The following IL1RAPL1 variants were observed in gnomAD, a reference collection of about 807,000 sequenced individuals.
IL1RAPL1 encodes the protein interleukin 1 receptor accessory protein like 1.
IL1RAPL1 carries 3 observed loss-of-function variants against 48.4 expected under a neutral mutation model. The ratio of observed to expected loss-of-function variants is 0.06; its 90% CI spans 0.03 to 0.16. IL1RAPL1 has a LOEUF of 0.16. Ranked by LOEUF, IL1RAPL1 falls within the 10% of genes least tolerant of loss-of-function variation. IL1RAPL1 has a pLI of 1.00. For synonymous variants in IL1RAPL1, 185 were observed against 187.7 expected (o/e 0.99, Z 0.12); for missense variants, 349 against 530.6 (o/e 0.66, Z 3.36).
chrX:29,572,524 C>T (rs1341566580), intron 5 of IL1RAPL1, among the ~76,000 whole-genome samples: 1 of 112,330 alleles, frequency 8.9e-6, no homozygotes, highest in Non-Finnish European at 1.9e-5. Context: ...TATACATTTA[C>T]ATAATAAAAT....
chrX:28,713,976 A>G (rs1220894196), intron 1 of IL1RAPL1, among the ~76,000 whole-genome samples: 1 of 112,223 alleles, frequency 8.9e-6, no homozygotes, highest in Non-Finnish European at 1.9e-5. Context: ...TGTCTTGTAA[A>G]GGTGAATTTC....
In IL1RAPL1 at chrX:29,613,798, C is replaced by T. The variant is rs181249306; in HGVS notation, c.704-54632C>T. Among the ~76,000 whole-genome samples the T allele has an allele frequency of 3.4e-3, 298 of 88,801 alleles. 2 individuals carry two copies. The highest frequency in any genetic ancestry group is 0.012 in the African/African-American group (278 of 23,008). The allele number at this position is 88,801 out of a possible 115,157, so 77.1% of individuals were successfully genotyped here. On this transcript the variant is annotated intron_variant, in intron 5 of 10. Coordinates refer to ENST00000378993, the MANE Select transcript of IL1RAPL1 (RefSeq NM_014271.4). Reference sequence around the variant, plus strand: ...TTTTTTTTTGAGACAGAGTCTCGCTCTGTTGCCCAGGCTGGAGTGCAGTGG... The same window carrying T: ...TTTTTTTTTGAGACAGAGTCTCGCTTTGTTGCCCAGGCTGGAGTGCAGTGG...
At chrX:29,648,063 A>G (rs915430298) in intron 5 of IL1RAPL1, among the ~76,000 whole-genome samples, 5 of 112,188 alleles carry the variant, frequency 4.5e-5, no homozygotes, top group Non-Finnish European at 7.5e-5. Context: ...AAGTCATTAT[A>G]TAATGATAAA....
intron 6 of IL1RAPL1, among the ~76,000 whole-genome samples, chrX:29,863,625 G>A (rs1931635286): frequency 8.9e-6 from 1 of 112,047 alleles, no homozygotes; most frequent in African/African-American, 3.2e-5. Context: ...AAAAGTTTAT[G>A]TGGATAAATA....
intron 5 of IL1RAPL1, among the ~76,000 whole-genome samples, chrX:29,426,379 C>T (rs1776956732): frequency 9.0e-6 from 1 of 111,525 alleles, no homozygotes; most frequent in Non-Finnish European, 1.9e-5. Context: ...TACAAACGAA[C>T]CAATTACAGT....
At position 29,154,987 on chromosome X, in the gene IL1RAPL1, A is replaced by ATC. The variant is rs368830087; in HGVS notation, c.83-127949_83-127948dup. ...TTAGCTGGCTAGAGTCTAACATGGT[A>ATC]TCTTTTTCTTTCTTTCTGTCTTTTT... On this transcript the variant is annotated intron_variant, in intron 2 of 10. Coordinates refer to ENST00000378993, the MANE Select transcript of IL1RAPL1 (RefSeq NM_014271.4). Among the ~76,000 whole-genome samples the ATC allele has an allele frequency of 1.2e-3, 133 of 109,628 alleles. 1 individual carries two copies. Among genetic ancestry groups the ATC allele is most frequent in the African/African-American group, 4.2e-3 (128 of 30,281 alleles).
intron 5 of IL1RAPL1, among the ~76,000 whole-genome samples, chrX:29,640,941 G>A (rs1467568234): frequency 9.0e-6 from 1 of 111,519 alleles, no homozygotes; most frequent in Non-Finnish European, 1.9e-5. Flanking sequence ...AAGGCAGGAG[G>A]ATTGCTTGAG....
At chrX:29,429,894 G>GTGGT (rs34694649) in intron 5 of IL1RAPL1, among the ~76,000 whole-genome samples, 1 of 85,135 alleles carries the variant, frequency 1.2e-5, no homozygotes, top group Non-Finnish European at 2.2e-5. Context: ...GTGTGTGTGT[G>GTGGT]GTGTGTGTGT....
intron 3 of IL1RAPL1, among the ~76,000 whole-genome samples, chrX:29,349,708 A>G (rs1377833926): frequency 9.1e-6 from 1 of 110,299 alleles, no homozygotes; most frequent in Non-Finnish European, 1.9e-5. Flanking sequence ...TTGGGACCCT[A>G]CCCTAGAGCA....
At chrX:28,740,293 A>C (rs2146952338) in intron 1 of IL1RAPL1, among the ~76,000 whole-genome samples, 1 of 112,003 alleles carries the variant, frequency 8.9e-6, no homozygotes, top group East Asian at 2.8e-4. Flanking sequence ...CTTTAGACAA[A>C]GAAACTAATT....
intron 6 of IL1RAPL1, among the ~76,000 whole-genome samples, chrX:29,731,682 G>A (rs955532526): frequency 5.3e-5 from 6 of 112,410 alleles, no homozygotes; most frequent in African/African-American, 1.9e-4. Context: ...AGCTGGTCAC[G>A]TGCTCTGACA....
chrX:28,638,185 A>G (rs1029029434), intron 1 of IL1RAPL1, among the ~76,000 whole-genome samples: 3 of 111,798 alleles, frequency 2.7e-5, no homozygotes, highest in African/African-American at 9.7e-5. Context: ...ACATCCCTTT[A>G]TACTTCATTA....
intron 6 of IL1RAPL1, among the ~76,000 whole-genome samples, chrX:29,863,689 C>T (rs966428258): frequency 3.6e-5 from 4 of 112,132 alleles, no homozygotes; most frequent in African/African-American, 1.3e-4. Flanking sequence ...AAATTGTATT[C>T]AGGATGTTGG....
In IL1RAPL1 at chrX:29,405,198, T is replaced by C. The variant is rs193254760; in HGVS notation, c.703+5890T>C. ...AAGTGCTGGGATTACAGGCGTGAGC[T>C]ACCGCGCCCAGTCTGGATGTAGAAT... On this transcript the variant is annotated intron_variant, in intron 5 of 10. Transcript: ENST00000378993. Among the ~76,000 whole-genome samples, 325 of 106,462 alleles carry C rather than the reference T, an allele frequency of 3.1e-3. 2 individuals carry two copies. Among genetic ancestry groups the C allele is most frequent in the African/African-American group, 0.01 (295 of 28,735 alleles). 92.4% of individuals were successfully genotyped at this position (106,462 alleles called of 115,157 possible).
chrX:28,871,496 G>T (rs1190060658), intron 2 of IL1RAPL1, among the ~76,000 whole-genome samples: 1 of 111,888 alleles, frequency 8.9e-6, no homozygotes, highest in Non-Finnish European at 1.9e-5. Context: ...ATAAAACAGT[G>T]TGCTTCCAAA....
chrX:29,551,789 C>A (rs1690076573), intron 5 of IL1RAPL1, among the ~76,000 whole-genome samples: 1 of 106,619 alleles, frequency 9.4e-6, no homozygotes, highest in African/African-American at 3.4e-5. Context: ...CCCACCCCAC[C>A]CCTCCCAGCA....
intron 5 of IL1RAPL1, among the ~76,000 whole-genome samples, chrX:29,602,757 T>C (rs992278658): frequency 2.4e-4 from 27 of 112,981 alleles, no homozygotes; most frequent in Non-Finnish European, 4.9e-4. Context: ...ATTTCTTTTA[T>C]GCCTGATGGA....
chrX:29,106,918 A>G (rs1236929380), intron 2 of IL1RAPL1, among the ~76,000 whole-genome samples: 1 of 111,564 alleles, frequency 9.0e-6, no homozygotes, highest in African/African-American at 3.3e-5. Flanking sequence ...TTACACCTAC[A>G]TTCTCTTTTG....
chrX:28,779,644 A>G (rs201087306), intron 1 of IL1RAPL1, among the ~76,000 whole-genome samples: 757 of 68,411 alleles, frequency 0.011, 24 homozygotes, highest in African/African-American at 0.031. Flanking sequence ...GTATATATAT[A>G]TATATATATA....
Sources: allele counts gnomAD v4.1 joint callset (sites outside exome capture counted in the v4.1 genomes callset), GRCh38; gene constraint gnomAD v4.1.1; transcripts MANE v1.5; gene names NCBI Gene and HGNC (gene_info 2026-07-23, HGNC 2026-07-21).